PTPRM: variants seen among roughly 807,000 people sequenced by gnomAD.
The protein encoded by PTPRM is receptor-type tyrosine-protein phosphatase mu.
In PTPRM, 47 loss-of-function variants were observed where a neutral mutation model predicts 186.7. The observed-to-expected ratio is 0.25, with a 90% CI of 0.20 to 0.32. The LOEUF (loss-of-function observed/expected upper bound fraction) is 0.32, where lower values mean the gene tolerates loss of function less well. PTPRM is among the 10% of genes least tolerant of loss of function. The pLI is 1.00. For missense variants in PTPRM, 1,494 were observed against 1,865.0 expected, an observed-to-expected ratio of 0.80 and a Z score of 3.66; for synonymous variants, 668 against 674.9, an observed-to-expected ratio of 0.99 and a Z score of 0.16.
intron 14 of PTPRM, among the ~76,000 whole-genome samples, chr18:8,240,679 AAAAGAAAGAGAGAAAGAG>A (rs2094417294): frequency 4.3e-5 from 4 of 93,076 alleles, no homozygotes; most frequent in South Asian, 3.1e-4. Context: ...GAAAGAAAGA[AAAAGAAAGAGAGAAAGAG>A]AGAAAGAAAG....
chr18:8,328,261 G>C (rs1347896472), intron 22 of PTPRM, among the ~76,000 whole-genome samples: 4 of 152,238 alleles, frequency 2.6e-5, no homozygotes, highest in African/African-American at 9.6e-5. Context: ...TCCGGTAGTG[G>C]AGGGTTCTCA....
chr18:8,347,615 C>T (rs967228877), intron 23 of PTPRM, among the ~76,000 whole-genome samples: 8 of 152,170 alleles, frequency 5.3e-5, no homozygotes, highest in Non-Finnish European at 1.0e-4. Flanking sequence ...CACCTGGACC[C>T]GTCACATCCA....
chr18:7,767,858 CT>C (rs1435552725), intron 1 of PTPRM, among the ~76,000 whole-genome samples: 1 of 152,198 alleles, frequency 6.6e-6, no homozygotes, highest in African/African-American at 2.4e-5. Context: ...GCAGTTGGTT[CT>C]TCCTGGGATA....
intron 14 of PTPRM, among the ~76,000 whole-genome samples, chr18:8,147,954 T>A (rs2092923153): frequency 6.6e-6 from 1 of 152,180 alleles, no homozygotes; most frequent in African/African-American, 2.4e-5. Context: ...GTTTATTGAT[T>A]TGTGTATGTT....
intron 23 of PTPRM, among the ~76,000 whole-genome samples, chr18:8,368,637 C>T (rs2148443064): frequency 6.6e-6 from 1 of 152,296 alleles, no homozygotes; most frequent in East Asian, 1.9e-4. Context: ...CACAAGGAGG[C>T]AGCTGAAATA....
chr18:8,376,474 G>T lies in PTPRM; in HGVS notation c.3339G>T (p.Gly1113=). 1 of 1,614,174 alleles carries T rather than the reference G, an allele frequency of 6.2e-7. No individual in the cohort carries two copies. The highest frequency in any genetic ancestry group is 8.5e-7 in the Non-Finnish European group (1 of 1,180,034). Residue 1113 remains glycine (G), a synonymous_variant, in exon 26 of 33, where the codon GGG becomes GGT. Coordinates refer to ENST00000580170, the MANE Select transcript of PTPRM (RefSeq NM_001105244.2). ...PLVVHCSAGA[G]RTGCFIVIDI... ...CCTTTTCATTCAGTGCTGGTGCAGGGAGGACTGGCTGTTTCATCGTCATTG... is the reference window on the plus strand; with the variant it reads ...CCTTTTCATTCAGTGCTGGTGCAGGTAGGACTGGCTGTTTCATCGTCATTG...
In PTPRM at chr18:7,567,840, C is replaced by T. The variant is rs762480154; in HGVS notation, c.22C>T (p.Leu8=). 4.9e-5 allele frequency: 77 copies of T among 1,564,178 alleles called. No homozygotes were observed. The South Asian group carries it at 8.8e-4, about 18-fold the overall frequency. Residue 8 remains leucine (L), a synonymous_variant, in exon 1 of 33, where the codon CTG becomes TTG. Coordinates refer to ENST00000580170, the MANE Select transcript of PTPRM (RefSeq NM_001105244.2). The surrounding 1 kb of genome is among the most constrained non-coding windows in gnomAD (Gnocchi z 4.3). MRGLGTC[L]ATLAGLLLTA... ...CACCATGAGGGGACTTGGGACTTGC[C>T]TGGCGACTTTGGCCGGACTTTTGCT...
At chr18:8,348,293 C>T (rs576938079) in intron 23 of PTPRM, among the ~76,000 whole-genome samples, 67 of 152,352 alleles carry the variant, frequency 4.4e-4, no homozygotes, top group African/African-American at 1.5e-3. Context: ...CTGCATTAGG[C>T]GGCCCTAATT....
At chr18:7,858,711 AAAT>A (rs2047206700) in intron 2 of PTPRM, among the ~76,000 whole-genome samples, 1 of 152,234 alleles carries the variant, frequency 6.6e-6, no homozygotes, top group South Asian at 2.1e-4. Flanking sequence ...AGAAGTCTTG[AAAT>A]AATAAGAGCT....
At chr18:7,926,794 C>G in intron 5 of PTPRM, 111 bp downstream of exon 5, 1 of 628,122 alleles carries the variant, frequency 1.6e-6, no homozygotes, top group Non-Finnish European at 2.5e-6. Context: ...GAGTTTCCTT[C>G]TTTGTTAATA....
chr18:8,300,686 CTG>C (rs570824947), intron 20 of PTPRM, among the ~76,000 whole-genome samples: 5 of 152,114 alleles, frequency 3.3e-5, no homozygotes, highest in Non-Finnish European at 7.4e-5. Context: ...CCCATGACCT[CTG>C]GGGCTACGTT....
chr18:7,847,172 C>CTT (rs5822985), intron 2 of PTPRM, among the ~76,000 whole-genome samples: 1,519 of 136,714 alleles, frequency 0.011, 16 homozygotes, highest in Non-Finnish European at 0.016. Context: ...ACAAATCTGG[C>CTT]TTTTTTTTTT....
chr18:8,046,312 T>A (rs1175201804), intron 7 of PTPRM, among the ~76,000 whole-genome samples: 2 of 152,232 alleles, frequency 1.3e-5, no homozygotes, highest in Admixed American at 1.3e-4. Context: ...TAAAAAAGTC[T>A]GATATTAGTG....
chr18:7,949,836 A>C lies in PTPRM; in HGVS notation c.838+481A>C, dbSNP rs368650519. Among the ~76,000 whole-genome samples the C allele has an allele frequency of 9.2e-5, 14 of 152,328 alleles. No homozygotes were observed. In the East Asian group the frequency reaches 1.9e-3, roughly 21 times the overall value. On this transcript the variant is annotated intron_variant, in intron 6 of 32. Transcript: ENST00000580170. ...AATGTTCCAGTTAGGTTCTATTACT[A>C]TATTTTGCATGACTGAAAAATTGAG...
chr18:8,384,607 C>T lies in PTPRM; in HGVS notation c.3965C>T (p.Pro1322Leu). 1 of 1,614,118 alleles carries T rather than the reference C, an allele frequency of 6.2e-7. No individual in the cohort carries two copies. The highest frequency in any genetic ancestry group is 8.5e-7 in the Non-Finnish European group (1 of 1,179,980). ...GAAAACGGAGTACACAGACACGGCCCCATCCAGGTGGAATTTGTCTCTGCT... is the reference window on the plus strand; with the variant it reads ...GAAAACGGAGTACACAGACACGGCCTCATCCAGGTGGAATTTGTCTCTGCT... ...WPENGVHRHG[P>L]IQVEFVSADL... is the part of the protein sequence containing the mutation. The change falls in exon 30 of 33, where the codon CCC becomes CTC. Residue 1322 changes from proline (P) to leucine (L), a missense_variant. Pro to Leu is a moderately conservative substitution (Grantham distance 98). Around this residue, in one of 3 missense-constraint regions of PTPRM, gnomAD observed 1,107 missense variants for 1,350.2 expected, o/e 0.82. Transcript: ENST00000580170.
intron 13 of PTPRM, among the ~76,000 whole-genome samples, chr18:8,124,719 G>T (rs534675): frequency 4.3e-4 from 65 of 152,222 alleles, no homozygotes; most frequent in African/African-American, 1.5e-3. Context: ...GGAAGTGGTC[G>T]GTGTGACAGC....
chr18:8,026,438 A>G (rs1360162792), intron 7 of PTPRM, among the ~76,000 whole-genome samples: 12 of 152,250 alleles, frequency 7.9e-5, no homozygotes, highest in Non-Finnish European at 2.9e-5. Context: ...ATACAAAATC[A>G]CAGTATTGAG....
intron 1 of PTPRM, among the ~76,000 whole-genome samples, chr18:7,717,228 A>T (rs2040353942): frequency 6.6e-6 from 1 of 152,060 alleles, no homozygotes; most frequent in South Asian, 2.1e-4. Flanking sequence ...CCTTTTCCTA[A>T]AACACCCATG....
At chr18:8,116,172 C>G (rs1174584814) in intron 13 of PTPRM, among the ~76,000 whole-genome samples, 9 of 152,134 alleles carry the variant, frequency 5.9e-5, no homozygotes, top group Admixed American at 5.9e-4. Flanking sequence ...GCTCTTAGAT[C>G]TCAAGATTAT....
Sources: allele counts gnomAD v4.1 joint callset (sites outside exome capture counted in the v4.1 genomes callset), GRCh38; gene constraint gnomAD v4.1.1; regional missense constraint gnomAD v4.1.1; non-coding constraint Gnocchi (gnomAD v3.1); transcripts MANE v1.5; gene names NCBI Gene and HGNC (gene_info 2026-07-23, HGNC 2026-07-21).